The following PCDHA7 variants were observed in gnomAD, a reference collection of about 807,000 sequenced individuals.
The protein encoded by PCDHA7 is protocadherin alpha-7.
Under a neutral mutation model 57.2 loss-of-function variants are expected in PCDHA7, and 37 were observed. That is an observed-to-expected ratio of 0.65 (90% confidence interval 0.50 to 0.85). PCDHA7 has a LOEUF of 0.85. PCDHA7 is among the 40% of genes least tolerant of loss of function. The pLI is 0.00. For missense variants in PCDHA7, 1,188 were observed against 1,241.8 expected, an observed-to-expected ratio of 0.96 and a Z score of 0.65; for synonymous variants, 553 against 558.8, an observed-to-expected ratio of 0.99 and a Z score of 0.15.
intron 1 of PCDHA7, among the ~76,000 whole-genome samples, chr5:140,921,714 C>T (rs942328848): frequency 2.0e-5 from 3 of 152,046 alleles, no homozygotes; most frequent in South Asian, 2.1e-4. Context: ...AGTAAACACA[C>T]GAATTACTCC....
chr5:140,957,541 A>C (rs2153713960), intron 1 of PCDHA7, among the ~76,000 whole-genome samples: 1 of 152,298 alleles, frequency 6.6e-6, no homozygotes, highest in South Asian at 2.1e-4. Flanking sequence ...GATCTTAGAA[A>C]GTATTCTCTG....
chr5:140,841,755 C>G, intron 1 of PCDHA7: 1 of 1,613,886 alleles, frequency 6.2e-7, no homozygotes, highest in African/African-American at 1.3e-5. Context: ...GTTTCAGAAT[C>G]CAGAATGCCA....
chr5:140,835,894 T>C lies in PCDHA7; in HGVS notation c.1511T>C (p.Leu504Pro). 1 of 1,612,042 alleles carries C rather than the reference T, an allele frequency of 6.2e-7. No homozygotes were observed. Among genetic ancestry groups the C allele is most frequent in the Non-Finnish European group, 8.5e-7 (1 of 1,179,634 alleles). Reference protein sequence around the residue: ...LVELRVGERALSSYVSVHAES... With the variant: ...LVELRVGERAPSSYVSVHAES... ...GAGCTGCGGGTGGGCGAGCGCGCGCTGTCGAGCTACGTGTCAGTGCACGCG... is the reference window on the plus strand; with the variant it reads ...GAGCTGCGGGTGGGCGAGCGCGCGCCGTCGAGCTACGTGTCAGTGCACGCG... The change falls in exon 1 of 4, where the codon CTG (leucine) becomes CCG (proline). Residue 504 changes from leucine (L) to proline (P), a missense_variant. Leu to Pro is a moderately conservative substitution (Grantham distance 98). This residue lies in a region of PCDHA7 where 892 missense variants were observed against 788.5 expected (regional missense o/e 1.13). Transcript: ENST00000525929.
chr5:140,958,053 G>A (rs2095406506), intron 1 of PCDHA7, among the ~76,000 whole-genome samples: 1 of 152,030 alleles, frequency 6.6e-6, no homozygotes. Context: ...ATAGAAAAAA[G>A]AGAGAAAAAA....
chr5:140,839,527 C>T (rs1390318368), intron 1 of PCDHA7, among the ~76,000 whole-genome samples: 1 of 151,932 alleles, frequency 6.6e-6, no homozygotes. Context: ...GTTGCTGGGA[C>T]TATAGGCACA....
At position 140,982,472 on chromosome 5, in the gene PCDHA7, C is replaced by T; in HGVS notation, c.2415-3C>T. The stretch of plus-strand genomic sequence containing the variant: ...CGTTATCTGGGTCTGTGTGTTTATT[C>T]AGCTCTGTGCACCTAGAGGAGGCTG... On this transcript the variant is annotated splice_polypyrimidine_tract_variant and splice_region_variant and intron_variant, in intron 2 of 3. Transcript: ENST00000525929. The T allele has an allele frequency of 3.1e-6, 5 of 1,614,144 alleles. No individual in the cohort carries two copies. Among genetic ancestry groups the T allele is most frequent in the Non-Finnish European group, 4.2e-6 (5 of 1,180,022 alleles).
At chr5:140,976,818 G>A (rs782290955) in intron 1 of PCDHA7, among the ~76,000 whole-genome samples, 5 of 152,208 alleles carry the variant, frequency 3.3e-5, no homozygotes, top group Admixed American at 6.5e-5. Flanking sequence ...ATATGCATGT[G>A]TCTAATGAGC....
chr5:140,883,870 G>A, intron 1 of PCDHA7: 1 of 1,613,302 alleles, frequency 6.2e-7, no homozygotes. Flanking sequence ...TGCAGTTCCA[G>A]GTGAGCGCGC....
rs143767190 is a variant in PCDHA7, at chr5:140,836,000, T to C, written c.1617T>C (p.Asp539=). 1,476 of 1,613,102 alleles carry C rather than the reference T, an allele frequency of 9.2e-4. 25 individuals are homozygous for C. In the East Asian group the frequency reaches 0.013, roughly 14 times the overall value. Residue 539 remains aspartate (D), a synonymous_variant, in exon 1 of 4, where the codon GAT becomes GAC. Transcript: ENST00000525929. ...TGCAGTTCCAGGTGAGCGCGCGCGATGCGGGCGTGCCGCCTCTGGGCAGCA... is the reference window on the plus strand; with the variant it reads ...TGCAGTTCCAGGTGAGCGCGCGCGACGCGGGCGTGCCGCCTCTGGGCAGCA... ...ELLQFQVSAR[D]AGVPPLGSNV...
At chr5:140,848,462 T>C in intron 1 of PCDHA7, 1 of 1,542,130 alleles carries the variant, frequency 6.5e-7, no homozygotes, top group Non-Finnish European at 8.8e-7. Flanking sequence ...TTGGAGGCAA[T>C]TTTCACTAAT....
In PCDHA7 at chr5:140,882,894, G is replaced by A. The variant is rs1554176001; in HGVS notation, c.2355+46156G>A. The A allele has an allele frequency of 5.6e-6, 9 of 1,614,190 alleles. No homozygotes were observed. The East Asian group carries it at 1.3e-4, about 24-fold the overall frequency. The stretch of plus-strand genomic sequence containing the variant: ...GACAGAGAGGAAATTCAGGAACATA[G>A]TTTATTACTGACAGCCAGTGATGGA... On this transcript the variant is annotated intron_variant, in intron 1 of 3. Coordinates refer to ENST00000525929, the MANE Select transcript of PCDHA7 (RefSeq NM_018910.3).
chr5:140,851,102 G>C, intron 1 of PCDHA7: 1 of 1,288,626 alleles, frequency 7.8e-7, no homozygotes, highest in African/African-American at 1.5e-5. Context: ...ATATTTTTTG[G>C]GTGCTGAATC....
In PCDHA7 at chr5:141,009,853, G is replaced by A. The variant is rs1482682626; in HGVS notation, c.2730G>A (p.Lys910=). The change falls in exon 4 of 4, where the codon AAG becomes AAA. Residue 910 remains lysine (K), a synonymous_variant. Transcript: ENST00000525929. ...FITFGKKEET[K]KKKKKKKGNK... ...CCTTCGGCAAAAAGGAGGAGACCAAGAAAAAGAAGAAAAAGAAGAAGGGTA... is the reference window on the plus strand; with the variant it reads ...CCTTCGGCAAAAAGGAGGAGACCAAAAAAAAGAAGAAAAAGAAGAAGGGTA... 12 of 1,613,590 alleles carry A rather than the reference G, an allele frequency of 7.4e-6. No individual in the cohort carries two copies. Among genetic ancestry groups the A allele is most frequent in the Non-Finnish European group, 1.0e-5 (12 of 1,179,924 alleles).
rs193081186 is a variant in PCDHA7, at chr5:140,886,365, A to G, written c.2355+49627A>G. Among the ~76,000 whole-genome samples the G allele has an allele frequency of 3.1e-3, 466 of 152,304 alleles. 3 individuals carry two copies. Among genetic ancestry groups the G allele is most frequent in the Middle Eastern group, 0.014 (4 of 294 alleles). On this transcript the variant is annotated intron_variant, in intron 1 of 3. Transcript: ENST00000525929. Reference sequence around the variant, plus strand: ...GTGCAGGTTTGTTACATAGGTGTACATGCCATGGTGTGCTTATCTATTATC... The same window carrying G: ...GTGCAGGTTTGTTACATAGGTGTACGTGCCATGGTGTGCTTATCTATTATC...
chr5:140,915,252 GTTA>G (rs1291041483), intron 1 of PCDHA7, among the ~76,000 whole-genome samples: 2 of 152,012 alleles, frequency 1.3e-5, no homozygotes, highest in African/African-American at 4.8e-5. Flanking sequence ...TGGCCAGGTT[GTTA>G]TTATTTTTGA....
intron 3 of PCDHA7, among the ~76,000 whole-genome samples, chr5:140,992,344 T>G (rs2097506257): frequency 6.6e-6 from 1 of 152,124 alleles, no homozygotes; most frequent in Non-Finnish European, 1.5e-5. Context: ...GATGGAAATG[T>G]GGAGAGAGGA....
intron 1 of PCDHA7, chr5:140,876,368 C>T (rs564115297): frequency 3.7e-5 from 59 of 1,613,904 alleles, no homozygotes; most frequent in Non-Finnish European, 4.9e-5. Context: ...AATCCAGACA[C>T]AGGTGAAATT....
chr5:140,928,990 C>CT, intron 1 of PCDHA7: 2 of 1,613,884 alleles, frequency 1.2e-6, no homozygotes, highest in African/African-American at 1.3e-5. Context: ...GGGGTGCTTA[C>CT]TTTTCTTCGT....
At chr5:140,919,124 A>G (rs1195742790) in intron 1 of PCDHA7, among the ~76,000 whole-genome samples, 1 of 151,996 alleles carries the variant, frequency 6.6e-6, no homozygotes, top group Non-Finnish European at 1.5e-5. Flanking sequence ...TTTTTGCTTC[A>G]TGTGTTTTGG....
Sources: allele counts gnomAD v4.1 joint callset (sites outside exome capture counted in the v4.1 genomes callset), GRCh38; gene constraint gnomAD v4.1.1; regional missense constraint gnomAD v4.1.1; transcripts MANE v1.5; gene names NCBI Gene and HGNC (gene_info 2026-07-23, HGNC 2026-07-21).